Variants in LINGO2 observed in about 807,000 individuals in gnomAD.
LINGO2 encodes the protein leucine rich repeat and Ig domain containing 2, also known as leucine-rich repeat and immunoglobulin-like domain-containing nogo receptor-interacting protein 2.
Under a neutral mutation model 30.6 loss-of-function variants are expected in LINGO2, and 14 were observed. The ratio of observed to expected loss-of-function variants is 0.46; its 90% confidence interval spans 0.30 to 0.72. The LOEUF (loss-of-function observed/expected upper bound fraction) is 0.72. Ranked by LOEUF, LINGO2 falls within the 30% of genes least tolerant of loss-of-function variation. The pLI is 0.07. For missense variants in LINGO2, 729 were observed against 751.7 expected, an observed-to-expected ratio of 0.97 and a Z score of 0.35; for synonymous variants, 317 against 288.5, an observed-to-expected ratio of 1.10 and a Z score of -1.00.
At chr9:28,057,403 C>T (rs1476945168) in intron 4 of LINGO2, among the ~76,000 whole-genome samples, 1 of 151,484 alleles carries the variant, frequency 6.6e-6, no homozygotes, top group African/African-American at 2.4e-5. Context: ...AACCATTTGC[C>T]AGTAAGCGCT....
At chr9:28,914,905 G>T in the LINGO2 span, among the ~76,000 whole-genome samples, 4 of 152,326 alleles carry the variant, frequency 2.6e-5, no homozygotes, top group African/African-American at 9.6e-5. Context: ...GGCCGAGGCA[G>T]GCGGATCACA....
At chr9:27,961,537 T>C (rs896245917) in intron 5 of LINGO2, among the ~76,000 whole-genome samples, 2 of 152,058 alleles carry the variant, frequency 1.3e-5, no homozygotes, top group African/African-American at 4.8e-5. Flanking sequence ...GAAGAGGTAA[T>C]TAGAGGAATG....
At chr9:28,416,270 T>C (rs1822964797) in intron 2 of LINGO2, among the ~76,000 whole-genome samples, 1 of 152,168 alleles carries the variant, frequency 6.6e-6, no homozygotes, top group African/African-American at 2.4e-5. Context: ...CTATCCAGTT[T>C]AATTAAAGAT....
At chr9:28,730,681 T>C in the LINGO2 span, among the ~76,000 whole-genome samples, 1 of 152,168 alleles carries the variant, frequency 6.6e-6, no homozygotes, top group Non-Finnish European at 1.5e-5. Context: ...TTGTACATAC[T>C]GTATAAAAAG....
chr9:28,668,325 T>C (rs1413599658), intron 1 of LINGO2, among the ~76,000 whole-genome samples: 5 of 151,990 alleles, frequency 3.3e-5, no homozygotes, highest in Non-Finnish European at 5.9e-5. Context: ...GAAGTGAAAA[T>C]GAACTTCATA....
chr9:28,724,981 A>C, the LINGO2 span, among the ~76,000 whole-genome samples: 1 of 152,136 alleles, frequency 6.6e-6, no homozygotes, highest in Non-Finnish European at 1.5e-5. Context: ...GCTTGAATGC[A>C]CCTATCATCA....
At chr9:29,100,949 G>T in the LINGO2 span, among the ~76,000 whole-genome samples, 1 of 152,156 alleles carries the variant, frequency 6.6e-6, no homozygotes, top group Non-Finnish European at 1.5e-5. Context: ...GCAAACAGAG[G>T]GCAAAGGTGT....
the LINGO2 span, among the ~76,000 whole-genome samples, chr9:28,821,132 C>T: frequency 5.3e-5 from 8 of 151,818 alleles, no homozygotes; most frequent in African/African-American, 1.9e-4. Flanking sequence ...TAAATAAGTT[C>T]CTAAAACATC....
chr9:28,137,772 A>T (rs992896895), intron 4 of LINGO2, among the ~76,000 whole-genome samples: 1 of 152,146 alleles, frequency 6.6e-6, no homozygotes, highest in African/African-American at 2.4e-5. Context: ...ACATAATCAA[A>T]CTTTTTATAA....
At chr9:28,911,045 A>T in the LINGO2 span, among the ~76,000 whole-genome samples, 1 of 152,036 alleles carries the variant, frequency 6.6e-6, no homozygotes, top group South Asian at 2.1e-4. Flanking sequence ...GCTTCCAACC[A>T]CTTAGCCAGA....
intron 1 of LINGO2, among the ~76,000 whole-genome samples, chr9:28,602,983 T>A (rs764277397): frequency 6.6e-6 from 1 of 152,058 alleles, no homozygotes; most frequent in African/African-American, 2.4e-5. Flanking sequence ...GTTGTTCTTA[T>A]ACAATTTAGG....
intron 1 of LINGO2, among the ~76,000 whole-genome samples, chr9:28,501,517 T>G (rs1474317587): frequency 1.3e-5 from 2 of 152,118 alleles, no homozygotes; most frequent in Non-Finnish European, 2.9e-5. Context: ...AAAATAGATC[T>G]AAAGTGCCAA....
At chr9:28,596,918 G>A (rs1266434042) in intron 1 of LINGO2, among the ~76,000 whole-genome samples, 1 of 152,144 alleles carries the variant, frequency 6.6e-6, no homozygotes, top group African/African-American at 2.4e-5. Flanking sequence ...CCAGGCTCCA[G>A]TGCGGGTCCC....
At chr9:29,059,416 AAAATAAAT>A in the LINGO2 span, among the ~76,000 whole-genome samples, 3 of 150,248 alleles carry the variant, frequency 2.0e-5, no homozygotes, top group South Asian at 2.1e-4. Flanking sequence ...TTAAAATTAA[AAAATAAAT>A]AAATAAATAA....
chr9:29,011,721 C>T, the LINGO2 span, among the ~76,000 whole-genome samples: 1 of 152,138 alleles, frequency 6.6e-6, no homozygotes, highest in Non-Finnish European at 1.5e-5. Context: ...ACTATGTTTC[C>T]TGGCTTTGTA....
chr9:28,198,609 C>CTG (rs1820103682), intron 4 of LINGO2, among the ~76,000 whole-genome samples: 1 of 152,046 alleles, frequency 6.6e-6, no homozygotes, highest in Admixed American at 6.5e-5. Flanking sequence ...GAGGAACTTC[C>CTG]AGCTGCTGAG....
At chr9:28,315,265 C>A (rs1824798460) in intron 3 of LINGO2, among the ~76,000 whole-genome samples, 1 of 151,818 alleles carries the variant, frequency 6.6e-6, no homozygotes, top group African/African-American at 2.4e-5. Context: ...TTTAGCCCGA[C>A]GAGGTGGCAG....
At chr9:28,404,900 T>TTGTGTGTG (rs60281661) in intron 2 of LINGO2, among the ~76,000 whole-genome samples, 29,085 of 102,358 alleles carry the variant, frequency 0.28, 3,294 homozygotes, top group East Asian at 0.34. Flanking sequence ...CTCAGCCGCT[T>TTGTGTGTG]TGTGTGTGTG....
chr9:29,039,214 A>G, the LINGO2 span, among the ~76,000 whole-genome samples: 1 of 152,302 alleles, frequency 6.6e-6, no homozygotes, highest in Non-Finnish European at 1.5e-5. Flanking sequence ...AAATCCACTG[A>G]TACTGAGAAT....
Sources: allele counts gnomAD v4.1 joint callset (sites outside exome capture counted in the v4.1 genomes callset), GRCh38; gene constraint gnomAD v4.1.1; transcripts MANE v1.5; gene names NCBI Gene and HGNC (gene_info 2026-07-23, HGNC 2026-07-21).